The following LIMCH1 variants were observed in gnomAD, a reference collection of about 807,000 sequenced individuals.
LIMCH1 encodes LIM and calponin homology domains-containing protein 1.
A neutral mutation model predicts 176.5 loss-of-function variants in LIMCH1; 113 were observed. The ratio of observed to expected loss-of-function variants is 0.64; its 90% CI spans 0.55 to 0.75. LIMCH1 has a LOEUF of 0.75. LIMCH1 is among the 30% of genes least tolerant of loss of function. The pLI is 0.00. For synonymous variants in LIMCH1, 619 were observed against 645.9 expected (o/e 0.96, Z 0.63); for missense variants, 1,674 against 1,814.9 (o/e 0.92, Z 1.41).
intron 1 of LIMCH1, among the ~76,000 whole-genome samples, chr4:41,583,346 C>G (rs1028752689): frequency 5.3e-5 from 8 of 152,300 alleles, no homozygotes; most frequent in Admixed American, 1.3e-4. Flanking sequence ...TCTCTTCCCC[C>G]CTCCATGGTG....
chr4:41,406,903 A>G (rs978183740), intron 1 of LIMCH1, among the ~76,000 whole-genome samples: 4 of 152,220 alleles, frequency 2.6e-5, no homozygotes, highest in Non-Finnish European at 5.9e-5. Flanking sequence ...GCTTGAGGAA[A>G]TATGATTAAG....
In LIMCH1 at chr4:41,360,983, C is replaced by T; in HGVS notation, c.96+47C>T. ...GCGGCCTTGCACTGGCGCCCTGAGCCACGGACCCGCGCACGCTCCGACCGC... is the reference window on the plus strand; with the variant it reads ...GCGGCCTTGCACTGGCGCCCTGAGCTACGGACCCGCGCACGCTCCGACCGC... On this transcript the variant is annotated intron_variant, in intron 1 of 26. Coordinates refer to the LIMCH1 transcript ENST00000313860. The surrounding 1 kb of genome is among the most constrained non-coding windows in gnomAD (Gnocchi z 4.5). 7.1e-7 allele frequency: 1 copy of T among 1,400,080 alleles called. No individual in the cohort carries two copies. The allele number at this position is 1,400,080 out of a possible 1,614,324, so 86.7% of individuals were successfully genotyped here.
At position 41,486,955 on chromosome 4, in the gene LIMCH1, T is replaced by TATATACACACACAC. The variant is rs2069664617; in HGVS notation, c.97-7579_97-7566dup. On this transcript the variant is annotated intron_variant, in intron 1 of 26. Coordinates refer to the LIMCH1 transcript ENST00000313860. ...TGCTACCACGCCCAGCTGATATATA[T>TATATACACACACAC]ATATACACACACACACATACATACA... Among the ~76,000 whole-genome samples, 7 of 130,876 alleles carry TATATACACACACAC rather than the reference T, an allele frequency of 5.3e-5. No homozygotes were observed. The South Asian group carries it at 1.9e-3, about 35-fold the overall frequency. The allele number at this position is 130,876 out of a possible 152,430, so 85.9% of individuals were successfully genotyped here.
chr4:41,465,122 G>T (rs956378815), intron 1 of LIMCH1, among the ~76,000 whole-genome samples: 1 of 152,086 alleles, frequency 6.6e-6, no homozygotes, highest in Non-Finnish European at 1.5e-5. Context: ...GAGCGGGGAG[G>T]GAATTCTCCA....
chr4:41,528,660 G>C (rs892855298), intron 3 of LIMCH1, among the ~76,000 whole-genome samples: 1 of 152,282 alleles, frequency 6.6e-6, no homozygotes, highest in South Asian at 2.1e-4. Flanking sequence ...GGGCCATAGA[G>C]ATCTGAGAAG....
chr4:41,587,185 C>G (rs1327685612), intron 1 of LIMCH1, among the ~76,000 whole-genome samples: 1 of 152,144 alleles, frequency 6.6e-6, no homozygotes, highest in Non-Finnish European at 1.5e-5. Context: ...TACTCTAAAA[C>G]TTTGAAAGAA....
intron 1 of LIMCH1, among the ~76,000 whole-genome samples, chr4:41,596,535 A>G (rs755028342): frequency 6.6e-6 from 1 of 152,240 alleles, no homozygotes; most frequent in Non-Finnish European, 1.5e-5. Flanking sequence ...GGAAAGAAAG[A>G]TGTTATATTT....
intron 2 of LIMCH1, among the ~76,000 whole-genome samples, chr4:41,603,499 A>C (rs2090268676): frequency 6.6e-6 from 1 of 152,214 alleles, no homozygotes; most frequent in East Asian, 1.9e-4. Flanking sequence ...TTGCATGAAG[A>C]TTTTGGAAGT....
intron 3 of LIMCH1, among the ~76,000 whole-genome samples, chr4:41,527,757 A>G (rs568899481): frequency 8.7e-4 from 122 of 140,430 alleles, no homozygotes; most frequent in Admixed American, 4.9e-3. Context: ...CGGGAGGCGG[A>G]GCTTGCAGTG....
At chr4:41,585,817 C>T (rs777357742) in intron 1 of LIMCH1, among the ~76,000 whole-genome samples, 7 of 152,122 alleles carry the variant, frequency 4.6e-5, no homozygotes, top group Non-Finnish European at 4.4e-5. Context: ...CAGACTGATA[C>T]GTGATTCTAC....
intron 14 of LIMCH1, among the ~76,000 whole-genome samples, chr4:41,639,470 A>C (rs181079856): frequency 5.3e-5 from 8 of 152,320 alleles, no homozygotes; most frequent in Admixed American, 3.9e-4. Context: ...GCTTGAGACC[A>C]AAACATTGGA....
At chr4:41,528,058 G>A (rs994158922) in intron 3 of LIMCH1, among the ~76,000 whole-genome samples, 1 of 152,152 alleles carries the variant, frequency 6.6e-6, no homozygotes, top group African/African-American at 2.4e-5. Context: ...AGCTATCTTT[G>A]TGTATATAGG....
intron 30 of LIMCH1, 166 bp downstream of exon 30, chr4:41,689,801 C>G: frequency 2.0e-6 from 1 of 507,462 alleles, no homozygotes; most frequent in Non-Finnish European, 3.6e-6. Flanking sequence ...TATCACGAAT[C>G]CCTCTGGGAT....
Position 41,685,827 on chromosome 4 carries a change from G to A in LIMCH1, c.4085G>A (p.Arg1362Gln), listed in dbSNP as rs370336529. Residue 1362 changes from arginine to glutamine, a missense_variant, in exon 28 of 32, where the codon CGG becomes CAG. Physicochemically the swap from Arg to Gln is conservative, Grantham distance 43 (BLOSUM62 1). Coordinates refer to ENST00000503057, the MANE Select transcript of LIMCH1 (RefSeq NM_001330672.2). ...NHQIESPSER[R>Q]KKSPREHFQA... ...CAGATCGAGTCTCCCAGTGAAAGGCGGAAGTGAGTAACCAGACACGATGGT... is the reference window on the plus strand; with the variant it reads ...CAGATCGAGTCTCCCAGTGAAAGGCAGAAGTGAGTAACCAGACACGATGGT... 1.4e-4 allele frequency: 227 copies of A among 1,612,190 alleles called. 1 individual carries two copies. Among genetic ancestry groups the A allele is most frequent in the South Asian group, 5.1e-4 (46 of 90,678 alleles).
intron 1 of LIMCH1, among the ~76,000 whole-genome samples, chr4:41,577,233 A>G (rs1197023176): frequency 6.6e-6 from 1 of 152,136 alleles, no homozygotes; most frequent in Non-Finnish European, 1.5e-5. Context: ...GTGGCTGGAG[A>G]CCAGAACTAA....
At chr4:41,479,555 C>T (rs996373467) in intron 1 of LIMCH1, among the ~76,000 whole-genome samples, 1 of 152,170 alleles carries the variant, frequency 6.6e-6, no homozygotes, top group Non-Finnish European at 1.5e-5. Context: ...CCCAGCATCA[C>T]TCTTAATAAG....
chr4:41,425,567 G>A (rs1317001738), intron 1 of LIMCH1, among the ~76,000 whole-genome samples: 3 of 152,076 alleles, frequency 2.0e-5, no homozygotes, highest in African/African-American at 7.2e-5. Flanking sequence ...GGCTGGTCTC[G>A]AACTCCTGAC....
rs74442291 is a variant in LIMCH1 at position 41,467,813 on chromosome 4, C to G, written c.97-26723C>G. 2.1e-3 allele frequency among the ~76,000 whole-genome samples: 318 copies of G among 152,280 alleles called. 8 individuals are homozygous for G. In the East Asian group the frequency reaches 0.058, roughly 28 times the overall value. ...CACATCTTGCAGTTCTACCAGAAAA[C>G]AGAATAGTCAACATTGTGCTTGTAG... On this transcript the variant is annotated intron_variant, in intron 1 of 26. Transcript: ENST00000313860.
intron 1 of LIMCH1, among the ~76,000 whole-genome samples, chr4:41,379,699 C>A (rs569453940): frequency 6.6e-6 from 1 of 152,188 alleles, no homozygotes. Flanking sequence ...GATACTAAGT[C>A]ATTTGTCTAG....
Sources: gnomAD v4.1 joint callset for allele counts (sites outside exome capture counted in the v4.1 genomes callset) on GRCh38, gnomAD v4.1.1 for gene constraint, Gnocchi (gnomAD v3.1) non-coding constraint, MANE v1.5 for transcripts, NCBI Gene and HGNC (gene_info 2026-07-23, HGNC 2026-07-21) for gene names.